Variants in SYBU observed in about 807,000 individuals in gnomAD.
SYBU encodes syntabulin.
In SYBU, 21 loss-of-function variants were observed where a neutral mutation model predicts 35.9. That is an observed-to-expected ratio of 0.58 (90% CI 0.41 to 0.84). The LOEUF is 0.84. SYBU is among the 40% of genes least tolerant of loss of function. The pLI is 0.00. For synonymous variants in SYBU, 319 were observed against 324.3 expected, an observed-to-expected ratio of 0.98 and a Z score of 0.18; for missense variants, 768 against 848.2, an observed-to-expected ratio of 0.91 and a Z score of 1.17.
chr8:109,603,155 G>C (rs1007475330), intron 3 of SYBU, among the ~76,000 whole-genome samples: 1 of 152,224 alleles, frequency 6.6e-6, no homozygotes, highest in Non-Finnish European at 1.5e-5. Flanking sequence ...AGCTGGGGCG[G>C]AAGCCGACAA....
upstream of SYBU, chr8:109,644,876 C>G: frequency 1.8e-6 from 1 of 571,358 alleles, no homozygotes; most frequent in Non-Finnish European, 3.1e-6. Flanking sequence ...GTGCCGCACT[C>G]GCTAGAGGCA....
upstream of SYBU, chr8:109,646,183 C>G (rs1410539651): frequency 1.3e-5 from 2 of 151,534 alleles, no homozygotes; most frequent in African/African-American, 4.9e-5. Flanking sequence ...TGTATAATGA[C>G]TTATATACCC....
chr8:109,689,698 C>T (rs115629968), intron 1 of SYBU, among the ~76,000 whole-genome samples: 2,049 of 152,278 alleles, frequency 0.013, 50 homozygotes, highest in African/African-American at 0.047. Flanking sequence ...ATGCCATCCT[C>T]ACAAAGATCT....
intron 3 of SYBU, among the ~76,000 whole-genome samples, chr8:109,589,612 G>T (rs1325248403): frequency 6.6e-6 from 1 of 152,198 alleles, no homozygotes; most frequent in East Asian, 1.9e-4. Flanking sequence ...TCATAGCACT[G>T]CTGAACTCTT....
chr8:109,608,372 C>A (rs972244488), intron 3 of SYBU, among the ~76,000 whole-genome samples: 2 of 152,128 alleles, frequency 1.3e-5, no homozygotes, highest in African/African-American at 2.4e-5. Flanking sequence ...TCAAACCCCA[C>A]ACAGCCCTAA....
chr8:109,636,076 A>G (rs1256716275), intron 2 of SYBU, among the ~76,000 whole-genome samples: 1 of 152,180 alleles, frequency 6.6e-6, no homozygotes, highest in Non-Finnish European at 1.5e-5. Flanking sequence ...TAGTTCCTGT[A>G]TGGACCCTTG....
In SYBU at chr8:109,575,382, C is replaced by T. The variant is rs1822125351; in HGVS notation, c.1516G>A (p.Val506Met). The change falls in exon 7 of 7, where the codon GTG (valine) becomes ATG (methionine). Residue 506 changes from valine (V) to methionine (M), a missense_variant. Transcript: ENST00000276646. ...SPAISELIQS[V>M]LQKLQDPCPS... Reference sequence around the variant, plus strand: ...CAGGGGTCCTGGAGCTTCTGCAGCACACTCTGAATGAGCTCTGAGATGGCT... The same window carrying T: ...CAGGGGTCCTGGAGCTTCTGCAGCATACTCTGAATGAGCTCTGAGATGGCT... 1.9e-6 allele frequency: 3 copies of T among 1,614,020 alleles called. No homozygotes were observed. The highest frequency in any genetic ancestry group is 2.2e-5 in the East Asian group (1 of 44,874).
At chr8:109,583,155 A>G (rs1231585243) in intron 4 of SYBU, among the ~76,000 whole-genome samples, 1 of 152,160 alleles carries the variant, frequency 6.6e-6, no homozygotes, top group East Asian at 1.9e-4. Context: ...ACCCCTACTG[A>G]CAAAAACCAC....
intron 2 of SYBU, among the ~76,000 whole-genome samples, chr8:109,634,673 C>T (rs1586898233): frequency 6.6e-6 from 1 of 152,100 alleles, no homozygotes; most frequent in South Asian, 2.1e-4. Context: ...CATGGTGGCT[C>T]GTGACTGTAA....
Position 109,574,140 on chromosome 8 carries a change from T to A in SYBU, c.*766A>T, listed in dbSNP as rs909492740. 1 of 152,254 alleles carries A rather than the reference T, an allele frequency of 6.6e-6. No homozygotes were observed. The highest frequency in any genetic ancestry group is 1.5e-5 in the Non-Finnish European group (1 of 68,038). 9.4% of individuals were successfully genotyped at this position (152,254 alleles called of 1,614,324 possible). A position where few individuals can be genotyped will look rare whatever the true frequency, so the allele number is the denominator to read the frequency against. Reference sequence around the variant, plus strand: ...AAGATGTAAGATCTGCTATTCATTGTCTTTCTTATACATAGAAGTAAAATC... The same window carrying A: ...AAGATGTAAGATCTGCTATTCATTGACTTTCTTATACATAGAAGTAAAATC... On this transcript the variant is annotated 3_prime_UTR_variant, in exon 7 of 7. Transcript: ENST00000276646.
At chr8:109,643,273 C>T (rs1815140671) in intron 1 of SYBU, 4 of 777,768 alleles carry the variant, frequency 5.1e-6, no homozygotes, top group Non-Finnish European at 6.3e-6. Context: ...CAAGCTTCTG[C>T]CTCCCAAAGG....
upstream of SYBU, among the ~76,000 whole-genome samples, chr8:109,684,333 T>C (rs1817470660): frequency 6.6e-6 from 1 of 152,252 alleles, no homozygotes; most frequent in Non-Finnish European, 1.5e-5. Context: ...AAAGTGATCA[T>C]AAGTGAGTTA....
chr8:109,686,932 T>C (rs1025937856), intron 1 of SYBU, among the ~76,000 whole-genome samples: 1 of 152,182 alleles, frequency 6.6e-6, no homozygotes, highest in Non-Finnish European at 1.5e-5. Flanking sequence ...GTAATCTCTC[T>C]CACATCCCAC....
In SYBU at chr8:109,578,003, T is replaced by A. The variant is rs1402988058; in HGVS notation, c.749A>T (p.Tyr250Phe). ...CSPIMRRSGR[Y>F]MSCGENHGVR... Reference sequence around the variant, plus strand: ...ACCATGATTTTCACCGCAAGACATGTACCTTCCAGAACGCCTGAAACAATC... The same window carrying A: ...ACCATGATTTTCACCGCAAGACATGAACCTTCCAGAACGCCTGAAACAATC... Residue 250 changes from tyrosine (Y) to phenylalanine (F), a missense_variant, in exon 6 of 7, where the codon TAC becomes TTC. Tyr to Phe is a conservative substitution (Grantham distance 22). Coordinates refer to ENST00000276646, the MANE Select transcript of SYBU (RefSeq NM_001099754.2). 6.2e-7 allele frequency: 1 copy of A among 1,610,730 alleles called. No homozygotes were observed. The highest frequency in any genetic ancestry group is 8.5e-7 in the Non-Finnish European group (1 of 1,178,952).
At position 109,618,919 on chromosome 8, in the gene SYBU, G is replaced by C; in HGVS notation, c.350C>G (p.Thr117Arg). 1 of 1,614,090 alleles carries C rather than the reference G, an allele frequency of 6.2e-7. No homozygotes were observed. Among genetic ancestry groups the C allele is most frequent in the Non-Finnish European group, 8.5e-7 (1 of 1,180,016 alleles). Residue 117 changes from threonine to arginine, a missense_variant, in exon 3 of 7, where the codon ACG becomes AGG. Thr to Arg is a moderately conservative substitution (Grantham distance 71). Coordinates refer to ENST00000276646, the MANE Select transcript of SYBU (RefSeq NM_001099754.2). ...SDEGFTRKKC[T>R]IGMVGEGSIQ... Reference sequence around the variant, plus strand: ...GCTTCCTTCACCAACCATTCCAATCGTGCATTTCTTTCTGGTGAAGCCTTC... The same window carrying C: ...GCTTCCTTCACCAACCATTCCAATCCTGCATTTCTTTCTGGTGAAGCCTTC...
intron 2 of SYBU, among the ~76,000 whole-genome samples, chr8:109,628,531 T>C (rs1813226448): frequency 6.6e-6 from 1 of 152,050 alleles, no homozygotes; most frequent in Non-Finnish European, 1.5e-5. Context: ...TTTTTGTAAA[T>C]AGGATCTCAC....
rs1057076257 is a variant in SYBU at position 109,611,423 on chromosome 8, A to G, written c.427+7419T>C. Among the ~76,000 whole-genome samples the G allele has an allele frequency of 1.4e-4, 21 of 149,360 alleles. No individual in the cohort carries two copies. The South Asian group carries it at 3.4e-3, about 25-fold the overall frequency. On this transcript the variant is annotated intron_variant, in intron 3 of 6. Coordinates refer to ENST00000276646, the MANE Select transcript of SYBU (RefSeq NM_001099754.2). ...ATGGGAGAAAGGCATGAGAGAAAAT[A>G]TGTAACCCTGCCATAAAGATAAACA... is the stretch of plus-strand genomic sequence containing the variant.
intron 2 of SYBU, among the ~76,000 whole-genome samples, chr8:109,637,679 T>C (rs1814380109): frequency 6.6e-6 from 1 of 152,172 alleles, no homozygotes; most frequent in Non-Finnish European, 1.5e-5. Flanking sequence ...TCAGTTCTAA[T>C]CATTATGTTC....
chr8:109,637,590 T>A (rs956930087), intron 2 of SYBU, among the ~76,000 whole-genome samples: 3 of 152,230 alleles, frequency 2.0e-5, no homozygotes, highest in Non-Finnish European at 2.9e-5. Flanking sequence ...TCTTTTTTTT[T>A]AAATTCACAG....
Sources: allele counts gnomAD v4.1 joint callset (sites outside exome capture counted in the v4.1 genomes callset), GRCh38; gene constraint gnomAD v4.1.1; transcripts MANE v1.5; gene names NCBI Gene and HGNC (gene_info 2026-07-23, HGNC 2026-07-21).